Variants in ADGRL2 observed in about 807,000 individuals in gnomAD.
ADGRL2 encodes calcium-independent alpha-latrotoxin receptor 2.
ADGRL2 carries 44 observed loss-of-function variants against 157.4 expected under a neutral mutation model. The observed-to-expected ratio is 0.28, with a 90% CI of 0.22 to 0.36. The LOEUF is 0.36. Ranked by LOEUF, ADGRL2 falls within the 10% of genes least tolerant of loss-of-function variation. The pLI is 1.00. For synonymous variants in ADGRL2, 585 were observed against 624.7 expected (o/e 0.94, Z 0.95); for missense variants, 1,510 against 1,768.9 (o/e 0.85, Z 2.63).
At chr1:81,645,434 C>T (rs372499262) in intron 3 of ADGRL2, among the ~76,000 whole-genome samples, 2 of 149,768 alleles carry the variant, frequency 1.3e-5, no homozygotes, top group Non-Finnish European at 3.0e-5. Flanking sequence ...ATTAAATGCA[C>T]GAGTACATTA....
intron 1 of ADGRL2, among the ~76,000 whole-genome samples, chr1:81,717,506 T>A (rs1465370447): frequency 6.6e-6 from 1 of 152,248 alleles, no homozygotes; most frequent in East Asian, 1.9e-4. Flanking sequence ...CCAAAGGGAA[T>A]ATTACATGTG....
intron 2 of ADGRL2, among the ~76,000 whole-genome samples, chr1:81,452,008 G>C (rs551530979): frequency 1.8e-4 from 27 of 152,092 alleles, no homozygotes; most frequent in Non-Finnish European, 3.5e-4. Flanking sequence ...GTTCACATTA[G>C]TGTATGGAAG....
intron 2 of ADGRL2, among the ~76,000 whole-genome samples, chr1:81,566,209 G>T (rs1248258950): frequency 6.6e-6 from 1 of 152,078 alleles, no homozygotes. Flanking sequence ...ACATGTATTG[G>T]TTCCTGCAAA....
At chr1:81,901,139 TAAAG>T (rs1185396865) in intron 2 of ADGRL2, among the ~76,000 whole-genome samples, 1 of 152,122 alleles carries the variant, frequency 6.6e-6, no homozygotes, top group Non-Finnish European at 1.5e-5. Context: ...ATAAGATACA[TAAAG>T]AAACAGAAAA....
chr1:81,984,409 T>A, intron 19 of ADGRL2, 174 bp from the exon 20 acceptor site: 1 of 563,508 alleles, frequency 1.8e-6, no homozygotes, highest in African/African-American at 1.9e-5. Context: ...CTTTTCTGAT[T>A]ACTATTTCAG....
intron 2 of ADGRL2, among the ~76,000 whole-genome samples, chr1:81,531,848 C>G (rs1310595495): frequency 6.6e-6 from 1 of 152,182 alleles, no homozygotes; most frequent in Non-Finnish European, 1.5e-5. Flanking sequence ...GGACCCCTCA[C>G]TTGCATAAGC....
chr1:81,963,523 G>T (rs1044084972), intron 11 of ADGRL2, among the ~76,000 whole-genome samples: 3 of 151,766 alleles, frequency 2.0e-5, no homozygotes, highest in Non-Finnish European at 4.4e-5. Context: ...ATACATAAAG[G>T]TTTAGCCTTT....
At chr1:81,774,931 T>C (rs977794777) in intron 2 of ADGRL2, among the ~76,000 whole-genome samples, 4 of 152,166 alleles carry the variant, frequency 2.6e-5, no homozygotes, top group Non-Finnish European at 4.4e-5. Context: ...TTGTTTACTA[T>C]AAAACTGATA....
At chr1:81,844,533 G>A (rs2092714037) in intron 2 of ADGRL2, among the ~76,000 whole-genome samples, 1 of 152,190 alleles carries the variant, frequency 6.6e-6, no homozygotes, top group South Asian at 2.1e-4. Flanking sequence ...CTAAGGGAGT[G>A]TCTTACTAAA....
chr1:81,575,646 A>C (rs533122396), intron 2 of ADGRL2, among the ~76,000 whole-genome samples: 1 of 152,316 alleles, frequency 6.6e-6, no homozygotes, highest in African/African-American at 2.4e-5. Flanking sequence ...AGAGAATAGA[A>C]AAATACATAC....
chr1:81,458,559 C>T (rs993000884), intron 2 of ADGRL2, among the ~76,000 whole-genome samples: 2 of 152,206 alleles, frequency 1.3e-5, no homozygotes, highest in African/African-American at 4.8e-5. Flanking sequence ...CTCACACCAT[C>T]CGCTTCAGCC....
At chr1:81,427,523 G>T in intron 1 of ADGRL2, 1 of 749,962 alleles carries the variant, frequency 1.3e-6, no homozygotes. Flanking sequence ...CCCATGTAAG[G>T]GGGCAGTTTT....
At chr1:81,329,686 C>T (rs1661142076) in intron 1 of ADGRL2, among the ~76,000 whole-genome samples, 1 of 152,136 alleles carries the variant, frequency 6.6e-6, no homozygotes. Flanking sequence ...ATCAAAACTG[C>T]CCAAACCACC....
rs184430618 is a variant in ADGRL2 at position 81,965,775 on chromosome 1, T to C, written c.2018-283T>C. On this transcript the variant is annotated intron_variant, in intron 11 of 23. Transcript: ENST00000686636. ...CTATTAATTCATACACTGTTCATACTTACAGGCTAACAGATTGGTATTAGT... is the reference window on the plus strand; with the variant it reads ...CTATTAATTCATACACTGTTCATACCTACAGGCTAACAGATTGGTATTAGT... Among the ~76,000 whole-genome samples, 617 of 152,308 alleles carry C rather than the reference T, an allele frequency of 4.1e-3. 11 individuals carry two copies. Among genetic ancestry groups the C allele is most frequent in the Non-Finnish European group, 4.3e-4 (29 of 68,032 alleles).
intron 13 of ADGRL2, among the ~76,000 whole-genome samples, chr1:81,967,701 A>C (rs974117742): frequency 6.6e-6 from 1 of 152,236 alleles, no homozygotes; most frequent in Non-Finnish European, 1.5e-5. Flanking sequence ...GAATTTTCTC[A>C]GAACAAATTT....
chr1:81,682,434 C>T (rs2083139255), intron 3 of ADGRL2, among the ~76,000 whole-genome samples: 1 of 152,026 alleles, frequency 6.6e-6, no homozygotes, highest in African/African-American at 2.4e-5. Context: ...AACTCCATAC[C>T]TCTACTATGT....
chr1:81,501,632 C>A (rs1194434872), intron 2 of ADGRL2, among the ~76,000 whole-genome samples: 1 of 152,248 alleles, frequency 6.6e-6, no homozygotes, highest in Non-Finnish European at 1.5e-5. Context: ...ACGCAGCTGC[C>A]GCGCCTGGGC....
At chr1:81,393,496 A>G (rs2076597162) in intron 1 of ADGRL2, among the ~76,000 whole-genome samples, 1 of 152,200 alleles carries the variant, frequency 6.6e-6, no homozygotes, top group South Asian at 2.1e-4. Flanking sequence ...CTCTCAATAA[A>G]TCCTGTGCCA....
intron 3 of ADGRL2, among the ~76,000 whole-genome samples, chr1:81,603,730 ACAT>A (rs2081377995): frequency 6.6e-6 from 1 of 151,366 alleles, no homozygotes; most frequent in African/African-American, 2.4e-5. Flanking sequence ...GACTATTTGC[ACAT>A]CATCTTTTAT....
Sources: gnomAD v4.1 joint callset for allele counts (sites outside exome capture counted in the v4.1 genomes callset) on GRCh38, gnomAD v4.1.1 for gene constraint, MANE v1.5 for transcripts, NCBI Gene and HGNC (gene_info 2026-07-23, HGNC 2026-07-21) for gene names.